The following MCMDC2 variants were observed in gnomAD, a reference collection of about 807,000 sequenced individuals.
MCMDC2 encodes minichromosome maintenance domain-containing protein 2.
A neutral mutation model predicts 75.8 loss-of-function variants in MCMDC2; 54 were observed. That is an observed-to-expected ratio of 0.71 (90% confidence interval 0.57 to 0.89). The LOEUF is 0.89. Ranked by LOEUF, MCMDC2 falls within the 40% of genes least tolerant of loss-of-function variation. The pLI, the probability that MCMDC2 is intolerant of heterozygous loss-of-function variation, is 0.00. For synonymous variants in MCMDC2, 249 were observed against 274.6 expected (o/e 0.91, Z 0.92); for missense variants, 656 against 780.4 (o/e 0.84, Z 1.90).
chr8:66,913,767 C>G (rs1452086478), intron 14 of MCMDC2, among the ~76,000 whole-genome samples: 4 of 151,528 alleles, frequency 2.6e-5, no homozygotes, highest in African/African-American at 9.7e-5. Flanking sequence ...GAGTTTGAGA[C>G]CAGCCTGGAC....
Position 66,922,044 on chromosome 8 carries a change from C to T in MCMDC2, c.*2875C>T, listed in dbSNP as rs1442247953. On this transcript the variant is annotated 3_prime_UTR_variant, in exon 15 of 15. Coordinates refer to ENST00000422365, the MANE Select transcript of MCMDC2 (RefSeq NM_173518.5). ...CAACATCAAGTAAAATGCTCATTTT[C>T]ATCATTTGCTTCTGTTCATGTTTTC... The T allele has an allele frequency of 6.5e-6, 1 of 152,830 alleles. No homozygotes were observed. The highest frequency in any genetic ancestry group is 1.5e-5 in the Non-Finnish European group (1 of 68,496). The allele number at this position is 152,830 out of a possible 1,614,324, so 9.5% of individuals were successfully genotyped here. A position where few individuals can be genotyped will look rare whatever the true frequency, so the allele number is the denominator to read the frequency against.
At chr8:66,906,222 T>G (rs1165804513) in intron 14 of MCMDC2, among the ~76,000 whole-genome samples, 1 of 152,144 alleles carries the variant, frequency 6.6e-6, no homozygotes, top group Non-Finnish European at 1.5e-5. Flanking sequence ...AGATGAGACA[T>G]TAATTTTGAT....
chr8:66,878,989 C>A, intron 7 of MCMDC2, 70 bp downstream of exon 7: 1 of 924,948 alleles, frequency 1.1e-6, no homozygotes, highest in Non-Finnish European at 1.7e-6. Context: ...CAGTGGCTGG[C>A]TCATGCCTGT....
At chr8:66,908,138 T>G (rs1300088162) in intron 14 of MCMDC2, among the ~76,000 whole-genome samples, 1 of 152,212 alleles carries the variant, frequency 6.6e-6, no homozygotes, top group Non-Finnish European at 1.5e-5. Flanking sequence ...TCATGAAGTC[T>G]TTGCCCATGC....
At chr8:66,910,067 T>A (rs957642324) in intron 14 of MCMDC2, among the ~76,000 whole-genome samples, 1 of 152,200 alleles carries the variant, frequency 6.6e-6, no homozygotes, top group Non-Finnish European at 1.5e-5. Context: ...TTACACGTGG[T>A]GTTGGGCCTG....
chr8:66,924,789 T>C (rs1176469406), downstream of MCMDC2, among the ~76,000 whole-genome samples: 1 of 152,204 alleles, frequency 6.6e-6, no homozygotes, highest in African/African-American at 2.4e-5. Flanking sequence ...GGGCCTCCTA[T>C]ACTTGCACGT....
rs1282871589 is a variant in MCMDC2, at chr8:66,880,990, G to A, written c.835+16G>A. 21 of 1,452,834 alleles carry A rather than the reference G, an allele frequency of 1.4e-5. No homozygotes were observed. The highest frequency in any genetic ancestry group is 1.9e-5 in the Non-Finnish European group (21 of 1,098,334). 90.0% of individuals were successfully genotyped at this position (1,452,834 alleles called of 1,614,324 possible). ...AATTCAAAAGGTAAGGAAAATTTTA[G>A]TATTATATATTAACAAATATTTAAA... is the stretch of plus-strand genomic sequence containing the variant. On this transcript the variant is annotated intron_variant, in intron 8 of 14. Transcript: ENST00000422365.
At chr8:66,880,448 C>T (rs1199024063) in intron 7 of MCMDC2, among the ~76,000 whole-genome samples, 4 of 152,156 alleles carry the variant, frequency 2.6e-5, no homozygotes, top group Non-Finnish European at 5.9e-5. Flanking sequence ...CAAGTACTTA[C>T]ATGTATTGTA....
At chr8:66,910,409 C>T (rs1813058520) in intron 14 of MCMDC2, among the ~76,000 whole-genome samples, 1 of 152,234 alleles carries the variant, frequency 6.6e-6, no homozygotes, top group South Asian at 2.1e-4. Flanking sequence ...GGGCTGTGCC[C>T]TACAAAGCCA....
chr8:66,885,862 A>G (rs1186352351), intron 9 of MCMDC2, among the ~76,000 whole-genome samples: 1 of 152,212 alleles, frequency 6.6e-6, no homozygotes, highest in Admixed American at 6.5e-5. Context: ...GAAATCATAC[A>G]GTGCATCCTC....
At chr8:66,900,692 T>G (rs1484349966) in intron 12 of MCMDC2, among the ~76,000 whole-genome samples, 1 of 152,088 alleles carries the variant, frequency 6.6e-6, no homozygotes. Flanking sequence ...ACAGTGATAA[T>G]CATGTGTTGC....
chr8:66,921,520 T>TA lies in MCMDC2; in HGVS notation c.*2352dup, dbSNP rs1312670106. The TA allele has an allele frequency of 1.3e-5, 2 of 152,262 alleles. No individual in the cohort carries two copies. Among genetic ancestry groups the TA allele is most frequent in the Middle Eastern group, 3.2e-3 (1 of 316 alleles). 9.4% of individuals were successfully genotyped at this position (152,262 alleles called of 1,614,324 possible). On this transcript the variant is annotated 3_prime_UTR_variant, in exon 15 of 15. Coordinates refer to ENST00000422365, the MANE Select transcript of MCMDC2 (RefSeq NM_173518.5). ...ATTTAGCTCTAAACCTTCACCCAGA[T>TA]ATAAATTCAGCTTTAGAATTCTTGC...
At chr8:66,903,669 G>T (rs1217799926) in intron 13 of MCMDC2, among the ~76,000 whole-genome samples, 1 of 152,152 alleles carries the variant, frequency 6.6e-6, no homozygotes, top group Non-Finnish European at 1.5e-5. Context: ...TAAACCCCTA[G>T]CTAGAAGAGT....
intron 9 of MCMDC2, among the ~76,000 whole-genome samples, chr8:66,889,642 C>T (rs1812005312): frequency 6.6e-6 from 1 of 151,892 alleles, no homozygotes; most frequent in African/African-American, 2.4e-5. Flanking sequence ...CCAAAAAAAA[C>T]AAAAAATTGA....
chr8:66,915,572 T>C (rs1344918094), intron 14 of MCMDC2, among the ~76,000 whole-genome samples: 1 of 149,556 alleles, frequency 6.7e-6, no homozygotes, highest in East Asian at 1.9e-4. Flanking sequence ...TTTTTGTTCA[T>C]TCCTACTTAA....
At chr8:66,910,824 A>G (rs1039173652) in intron 14 of MCMDC2, among the ~76,000 whole-genome samples, 3 of 152,002 alleles carry the variant, frequency 2.0e-5, no homozygotes, top group Non-Finnish European at 2.9e-5. Flanking sequence ...AAAAAAAAAA[A>G]TTACTGCCTC....
In MCMDC2 at chr8:66,890,968, G is replaced by T; in HGVS notation, c.1177G>T (p.Val393Phe). The T allele has an allele frequency of 1.2e-6, 2 of 1,613,022 alleles. No homozygotes were observed. The highest frequency in any genetic ancestry group is 1.7e-6 in the Non-Finnish European group (2 of 1,179,820). ...LSRNKYGTGA[V>F]SIQAGSALLA... ...CAGGAATAAGTATGGAACTGGAGCA[G>T]TTAGCATTCAGGCTGGCAGTGCTTT... Residue 393 changes from valine (V) to phenylalanine (F), a missense_variant, in exon 10 of 15, where the codon GTT becomes TTT. Coordinates refer to ENST00000422365, the MANE Select transcript of MCMDC2 (RefSeq NM_173518.5).
chr8:66,918,256 G>C (rs1196929188), intron 14 of MCMDC2, among the ~76,000 whole-genome samples: 1 of 149,386 alleles, frequency 6.7e-6, no homozygotes, highest in East Asian at 2.1e-4. Context: ...TCTTACTGTA[G>C]ATTTATAGAC....
intron 10 of MCMDC2, among the ~76,000 whole-genome samples, chr8:66,895,727 A>G (rs1027557916): frequency 1.3e-5 from 2 of 152,098 alleles, no homozygotes; most frequent in African/African-American, 4.8e-5. Flanking sequence ...GGCTTTGAAC[A>G]TGTTGAATTT....
Sources: gnomAD v4.1 joint callset for allele counts (sites outside exome capture counted in the v4.1 genomes callset) on GRCh38, gnomAD v4.1.1 for gene constraint, MANE v1.5 for transcripts, NCBI Gene and HGNC (gene_info 2026-07-23, HGNC 2026-07-21) for gene names.